SCML2: variants seen among roughly 807,000 people sequenced by gnomAD.
The protein encoded by SCML2 is sex comb on midleg-like protein 2.
Under a neutral mutation model 48.4 loss-of-function variants are expected in SCML2, and 6 were observed. That is an observed-to-expected ratio of 0.12 (90% CI 0.07 to 0.24). The LOEUF (loss-of-function observed/expected upper bound fraction) is 0.24. SCML2 is among the 10% of genes least tolerant of loss of function. The pLI, the probability that SCML2 is intolerant of heterozygous loss-of-function variation, is 1.00. For missense variants in SCML2, 377 were observed against 528.2 expected, an observed-to-expected ratio of 0.71 and a Z score of 2.81; for synonymous variants, 181 against 189.5, an observed-to-expected ratio of 0.95 and a Z score of 0.37.
At chrX:18,285,246 T>C (rs1455529685) in intron 7 of SCML2, among the ~76,000 whole-genome samples, 1 of 110,055 alleles carries the variant, frequency 9.1e-6, no homozygotes, top group Non-Finnish European at 1.9e-5. Flanking sequence ...AAAAGACACA[T>C]GCACTCATAT....
intron 7 of SCML2, among the ~76,000 whole-genome samples, chrX:18,284,388 G>C (rs962745147): frequency 3.6e-5 from 4 of 111,691 alleles, no homozygotes; most frequent in Admixed American, 9.5e-5. Flanking sequence ...TCAAGAGCCA[G>C]TGCAACGAAA....
chrX:18,307,140 G>A (rs1928781905), intron 6 of SCML2, among the ~76,000 whole-genome samples: 1 of 110,733 alleles, frequency 9.0e-6, no homozygotes, highest in Admixed American at 9.7e-5. Flanking sequence ...AAAATTAGCT[G>A]GGCATGGTGG....
intron 11 of SCML2, among the ~76,000 whole-genome samples, chrX:18,248,719 A>G (rs1305520900): frequency 8.9e-6 from 1 of 112,324 alleles, no homozygotes; most frequent in East Asian, 2.8e-4. Context: ...CAGGCAAAAC[A>G]TATCTCATAT....
intron 1 of SCML2, among the ~76,000 whole-genome samples, chrX:18,350,799 T>C (rs1218155726): frequency 9.0e-6 from 1 of 111,092 alleles, no homozygotes; most frequent in Admixed American, 9.6e-5. Flanking sequence ...CTAAGGTACT[T>C]AGAGTCTAAA....
At chrX:18,288,744 G>A (rs907709431) in intron 7 of SCML2, among the ~76,000 whole-genome samples, 1 of 111,933 alleles carries the variant, frequency 8.9e-6, no homozygotes, top group Non-Finnish European at 1.9e-5. Context: ...TGTTTTTACC[G>A]TTAAGGTGAT....
chrX:18,279,628 T>C (rs1927759922), intron 7 of SCML2, among the ~76,000 whole-genome samples: 1 of 111,487 alleles, frequency 9.0e-6, no homozygotes, highest in African/African-American at 3.3e-5. Context: ...AGTAAAACAA[T>C]GTGAGAGGTG....
chrX:18,324,510 T>C (rs1362038376), intron 4 of SCML2, among the ~76,000 whole-genome samples: 1 of 111,355 alleles, frequency 9.0e-6, no homozygotes, highest in Admixed American at 9.6e-5. Flanking sequence ...CTCTATCCAC[T>C]TTGTGCTCCA....
intron 7 of SCML2, among the ~76,000 whole-genome samples, chrX:18,286,790 C>T (rs1467403261): frequency 9.0e-6 from 1 of 111,334 alleles, no homozygotes; most frequent in African/African-American, 3.3e-5. Context: ...GTTCCCCTCC[C>T]TTCATTTTCA....
At chrX:18,312,796 G>A (rs745511209) in intron 6 of SCML2, among the ~76,000 whole-genome samples, 1 of 111,409 alleles carries the variant, frequency 9.0e-6, no homozygotes, top group Non-Finnish European at 1.9e-5. Context: ...TGTAGAGTAG[G>A]TAGCTGGATA....
intron 3 of SCML2, among the ~76,000 whole-genome samples, chrX:18,327,634 C>T (rs1404691199): frequency 8.9e-6 from 1 of 111,988 alleles, no homozygotes; most frequent in East Asian, 2.8e-4. Flanking sequence ...ACAATCTGAG[C>T]TAGCAAATCC....
intron 6 of SCML2, 30 bp from the exon 7 acceptor site, chrX:18,305,245 T>G (rs754355890): frequency 8.7e-7 from 1 of 1,146,611 alleles, no homozygotes; most frequent in Non-Finnish European, 1.2e-6. Context: ...AAAAAAGATT[T>G]CATTGTTAAG....
At chrX:18,265,472 A>G (rs971807432) in intron 8 of SCML2, 113 bp downstream of exon 8, 1 of 572,732 alleles carries the variant, frequency 1.7e-6, no homozygotes, top group Non-Finnish European at 2.8e-6. Context: ...ACATACTCTT[A>G]GTACATTTCT....
At position 18,241,224 on chromosome X, in the gene SCML2, A is replaced by C. The variant is rs764850013; in HGVS notation, c.*27T>G. On this transcript the variant is annotated 3_prime_UTR_variant, in exon 15 of 15. Transcript: ENST00000251900. ...AATGTTAACAGTACACCTGAGAATT[A>C]TGTCCAATCTAAACTTACACATTTT... is the stretch of plus-strand genomic sequence containing the variant. 1 of 1,150,855 alleles carries C rather than the reference A, an allele frequency of 8.7e-7. No individual in the cohort carries two copies. Among genetic ancestry groups the C allele is most frequent in the Non-Finnish European group, 1.2e-6 (1 of 854,137 alleles). The allele number at this position is 1,150,855 out of a possible 1,213,427, so 94.8% of individuals were successfully genotyped here.
intron 1 of SCML2, among the ~76,000 whole-genome samples, chrX:18,344,461 G>A (rs1166018251): frequency 8.9e-6 from 1 of 111,969 alleles, no homozygotes; most frequent in Non-Finnish European, 1.9e-5. Flanking sequence ...GAAATAAGGA[G>A]TGATATGGTT....
At chrX:18,257,101 A>T in intron 10 of SCML2, 71 bp from the exon 11 acceptor site, 3 of 689,052 alleles carry the variant, frequency 4.4e-6, no homozygotes, top group Non-Finnish European at 6.2e-6. Flanking sequence ...TAAAAAAAAA[A>T]CTATCACCTT....
At chrX:18,347,227 C>T (rs905220224) in intron 1 of SCML2, among the ~76,000 whole-genome samples, 4 of 110,117 alleles carry the variant, frequency 3.6e-5, no homozygotes, top group African/African-American at 1.3e-4. Context: ...GGTGAATCAC[C>T]TGAGGTCAAG....
intron 11 of SCML2, among the ~76,000 whole-genome samples, chrX:18,253,996 T>C (rs1926752970): frequency 8.9e-6 from 1 of 111,746 alleles, no homozygotes; most frequent in South Asian, 3.8e-4. Flanking sequence ...GGTATCCTTG[T>C]GCGAAGTGAG....
At chrX:18,301,342 G>A (rs1231365239) in intron 7 of SCML2, among the ~76,000 whole-genome samples, 1 of 110,757 alleles carries the variant, frequency 9.0e-6, no homozygotes, top group Non-Finnish European at 1.9e-5. Context: ...AGGTTGCACT[G>A]AGCCAAGATC....
intron 7 of SCML2, among the ~76,000 whole-genome samples, chrX:18,292,088 A>G: frequency 8.9e-6 from 1 of 112,188 alleles, no homozygotes; most frequent in East Asian, 2.8e-4. Context: ...AAAAACATGG[A>G]AAGAAAAAGA....
Sources: allele counts gnomAD v4.1 joint callset (sites outside exome capture counted in the v4.1 genomes callset), GRCh38; gene constraint gnomAD v4.1.1; transcripts MANE v1.5; gene names NCBI Gene and HGNC (gene_info 2026-07-23, HGNC 2026-07-21).